Variants in FOXP2 observed in about 807,000 individuals in gnomAD.
FOXP2 encodes forkhead box P2.
In FOXP2, 12 loss-of-function variants were observed where a neutral mutation model predicts 115.8. That is an observed-to-expected ratio of 0.10 (90% CI 0.07 to 0.17). FOXP2 has a LOEUF of 0.17. FOXP2 is among the 10% of genes least tolerant of loss of function. The pLI is 1.00. For missense variants in FOXP2, 629 were observed against 843.5 expected (o/e 0.75, Z 3.15); for synonymous variants, 328 against 297.7 (o/e 1.10, Z -1.05).
intron 1 of FOXP2, among the ~76,000 whole-genome samples, chr7:114,213,820 G>A (rs368261615): frequency 2.8e-4 from 42 of 152,238 alleles, no homozygotes; most frequent in Middle Eastern, 3.4e-3. Flanking sequence ...TGGCTTTAGG[G>A]AAAATCTGTT....
At chr7:114,102,045 C>A (rs1326103712) in intron 1 of FOXP2, among the ~76,000 whole-genome samples, 1 of 151,552 alleles carries the variant, frequency 6.6e-6, no homozygotes, top group Admixed American at 6.6e-5. Flanking sequence ...TTTTTCCATA[C>A]CTAAATTAGA....
intron 2 of FOXP2, among the ~76,000 whole-genome samples, chr7:114,526,466 ACT>A (rs1275755063): frequency 7.1e-6 from 1 of 140,518 alleles, no homozygotes; most frequent in Non-Finnish European, 1.5e-5. Context: ...ACAGGGTGAG[ACT>A]CTGTCTCAAA....
intron 1 of FOXP2, among the ~76,000 whole-genome samples, chr7:114,235,457 C>T (rs370781326): frequency 7.0e-4 from 107 of 151,894 alleles, no homozygotes; most frequent in Non-Finnish European, 1.2e-3. Context: ...TGAAATTCAA[C>T]TGGACAAAGT....
At chr7:114,306,863 G>T (rs1157020370) in intron 2 of FOXP2, among the ~76,000 whole-genome samples, 1 of 152,050 alleles carries the variant, frequency 6.6e-6, no homozygotes, top group Non-Finnish European at 1.5e-5. Context: ...AGCAATGACT[G>T]GTTGAGCCTT....
chr7:114,453,266 G>A (rs1264206453), intron 2 of FOXP2, among the ~76,000 whole-genome samples: 1 of 152,110 alleles, frequency 6.6e-6, no homozygotes, highest in Non-Finnish European at 1.5e-5. Flanking sequence ...TAACTGAAGA[G>A]ATGGGAGAAC....
upstream of FOXP2, among the ~76,000 whole-genome samples, chr7:114,160,328 T>C (rs1792795199): frequency 6.6e-6 from 1 of 152,086 alleles, no homozygotes; most frequent in Admixed American, 6.6e-5. Flanking sequence ...GGCCTTCATT[T>C]TGGGATATTG....
chr7:114,663,850 G>A (rs1807018429), intron 15 of FOXP2, among the ~76,000 whole-genome samples: 2 of 152,076 alleles, frequency 1.3e-5, no homozygotes, highest in Admixed American at 1.3e-4. Flanking sequence ...TGGGGAACAT[G>A]GTGCTTGTGG....
At chr7:114,104,547 G>GT (rs1791065697) in intron 1 of FOXP2, among the ~76,000 whole-genome samples, 1 of 151,914 alleles carries the variant, frequency 6.6e-6, no homozygotes, top group African/African-American at 2.4e-5. Flanking sequence ...CTATTGATAT[G>GT]TACATTTTGT....
intron 1 of FOXP2, among the ~76,000 whole-genome samples, chr7:114,112,571 A>G (rs2129142401): frequency 6.6e-6 from 1 of 152,226 alleles, no homozygotes; most frequent in East Asian, 1.9e-4. Flanking sequence ...AAGTGCTGGG[A>G]TTACAGGCGT....
intron 2 of FOXP2, among the ~76,000 whole-genome samples, chr7:114,299,434 T>C (rs1302319592): frequency 6.6e-6 from 1 of 152,054 alleles, no homozygotes; most frequent in Non-Finnish European, 1.5e-5. Context: ...AGGTGGATCC[T>C]GACTAGGTAA....
intron 2 of FOXP2, among the ~76,000 whole-genome samples, chr7:114,382,300 A>C (rs553452798): frequency 6.6e-6 from 1 of 152,276 alleles, no homozygotes; most frequent in South Asian, 2.1e-4. Flanking sequence ...TGTGAGGGTG[A>C]TGGCATGGGC....
intron 3 of FOXP2, among the ~76,000 whole-genome samples, chr7:114,625,358 C>A (rs944726976): frequency 3.3e-5 from 5 of 151,692 alleles, no homozygotes; most frequent in African/African-American, 1.2e-4. Context: ...AAATTGTGAT[C>A]CCTTATTAGA....
chr7:114,605,694 T>A (rs10230558), intron 3 of FOXP2, among the ~76,000 whole-genome samples: 74,390 of 152,054 alleles, frequency 0.49, 19,274 homozygotes, highest in East Asian at 0.74. Context: ...ATTAAAAAAC[T>A]AACCTGGTGG....
At chr7:114,252,994 C>T (rs944271427) in intron 1 of FOXP2, among the ~76,000 whole-genome samples, 2 of 151,954 alleles carry the variant, frequency 1.3e-5, no homozygotes, top group East Asian at 1.9e-4. Context: ...TATGTTGTGC[C>T]GTTGTCTGTT....
At chr7:114,270,563 T>C (rs1796010310) in intron 1 of FOXP2, among the ~76,000 whole-genome samples, 1 of 152,162 alleles carries the variant, frequency 6.6e-6, no homozygotes, top group African/African-American at 2.4e-5. Flanking sequence ...CCTGATGACA[T>C]AGGTTGTTAA....
intron 1 of FOXP2, among the ~76,000 whole-genome samples, chr7:114,208,223 AC>A (rs1427909754): frequency 6.6e-6 from 1 of 152,158 alleles, no homozygotes; most frequent in Non-Finnish European, 1.5e-5. Flanking sequence ...CATCAGTATG[AC>A]CTGGATGTGC....
chr7:114,192,508 A>G (rs966246500), intron 1 of FOXP2, among the ~76,000 whole-genome samples: 11 of 152,066 alleles, frequency 7.2e-5, no homozygotes, highest in African/African-American at 2.7e-4. Flanking sequence ...CTAGAGAGCA[A>G]TTTTCAGGTT....
intron 2 of FOXP2, among the ~76,000 whole-genome samples, chr7:114,344,189 T>C (rs1791284385): frequency 6.6e-6 from 1 of 151,718 alleles, no homozygotes; most frequent in African/African-American, 2.4e-5. Flanking sequence ...ACGTGCATTG[T>C]ACTAACAGCA....
chr7:114,118,459 CT>C (rs77145524), intron 1 of FOXP2, among the ~76,000 whole-genome samples: 639 of 142,212 alleles, frequency 4.5e-3, no homozygotes, highest in African/African-American at 7.5e-3. Flanking sequence ...GGATACCCCC[CT>C]TTTTTTTTTT....
Sources: gnomAD v4.1 joint callset for allele counts (sites outside exome capture counted in the v4.1 genomes callset) on GRCh38, gnomAD v4.1.1 for gene constraint, MANE v1.5 for transcripts, NCBI Gene and HGNC (gene_info 2026-07-23, HGNC 2026-07-21) for gene names.